The following LRBA variants were observed in gnomAD, a reference collection of about 807,000 sequenced individuals.
LRBA encodes LPS responsive beige-like anchor protein.
A neutral mutation model predicts 330.0 loss-of-function variants in LRBA; 176 were observed. The ratio of observed to expected loss-of-function variants is 0.53; its 90% CI spans 0.47 to 0.60. The LOEUF (loss-of-function observed/expected upper bound fraction) is 0.60. LRBA is among the 20% of genes least tolerant of loss of function. The probability of loss-of-function intolerance (pLI) is 0.00; values close to 1 mark genes in which losing one functional copy is unlikely to be tolerated. For synonymous variants in LRBA, 1,230 were observed against 1,193.0 expected (o/e 1.03, Z -0.64); for missense variants, 3,259 against 3,444.8 (o/e 0.95, Z 1.35).
At chr4:150,738,411 C>T (rs1370051845) in intron 35 of LRBA, among the ~76,000 whole-genome samples, 2 of 152,042 alleles carry the variant, frequency 1.3e-5, no homozygotes, top group African/African-American at 4.8e-5. Context: ...TTTTCCTCAT[C>T]ATCAAAAGCA....
chr4:150,797,923 G>A (rs933377866), intron 34 of LRBA, among the ~76,000 whole-genome samples, 158 bp downstream of exon 34: 1 of 152,052 alleles, frequency 6.6e-6, no homozygotes, highest in Non-Finnish European at 1.5e-5. Flanking sequence ...TCAAAAATAA[G>A]AAGTAATCCT....
intron 36 of LRBA, among the ~76,000 whole-genome samples, chr4:150,717,375 TA>T (rs1293068733): frequency 6.6e-6 from 1 of 152,130 alleles, no homozygotes; most frequent in Non-Finnish European, 1.5e-5. Flanking sequence ...ACCTAAAAAA[TA>T]TATAGATTGC....
intron 2 of LRBA, among the ~76,000 whole-genome samples, chr4:150,980,065 C>T (rs867560652): frequency 9.9e-5 from 15 of 152,046 alleles, no homozygotes; most frequent in Admixed American, 7.9e-4. Context: ...ACATGAAAAT[C>T]CTCAACAAAA....
rs111883007 is a variant in LRBA, at chr4:150,599,048, G to A, written c.6005C>T (p.Ser2002Leu). The change falls in exon 38 of 57, where the codon TCG (serine) becomes TTG (leucine). Residue 2002 changes from serine (S) to leucine (L), a missense_variant. Ser to Leu is a moderately radical substitution (Grantham distance 145). Coordinates refer to ENST00000651943, the MANE Select transcript of LRBA (RefSeq NM_001364905.1). ...TTTTAGTGTCGCTTCAGGATGTGTC[G>A]ATCCTAGAGGGTTACGCACAAATCG... The part of the protein sequence containing the change: ...RRRFVRNPLG[S>L]THPEATLKTA... 2 of 1,613,914 alleles carry A rather than the reference G, an allele frequency of 1.2e-6. No homozygotes were observed. The highest frequency in any genetic ancestry group is 1.7e-6 in the Non-Finnish European group (2 of 1,179,934).
intron 46 of LRBA, among the ~76,000 whole-genome samples, chr4:150,426,291 CCA>C (rs1749599227): frequency 6.6e-6 from 1 of 151,892 alleles, no homozygotes; most frequent in South Asian, 2.1e-4. Context: ...TATAATCCTT[CCA>C]GACCAACCCC....
intron 47 of LRBA, among the ~76,000 whole-genome samples, chr4:150,386,464 CT>C (rs1321847180): frequency 2.8e-5 from 4 of 140,888 alleles, no homozygotes; most frequent in African/African-American, 5.2e-5. Flanking sequence ...TCCCCTCCCC[CT>C]GTCCATGTGT....
chr4:150,360,596 G>T (rs1044670088), intron 47 of LRBA, among the ~76,000 whole-genome samples: 2 of 152,138 alleles, frequency 1.3e-5, no homozygotes, highest in African/African-American at 2.4e-5. Context: ...ATACAAGACA[G>T]AATGCAGGAG....
At chr4:150,310,174 T>G in intron 52 of LRBA, 55 bp downstream of exon 52, 2 of 1,276,294 alleles carry the variant, frequency 1.6e-6, no homozygotes, top group Non-Finnish European at 2.3e-6. Context: ...ATCCTAAGCC[T>G]CTCAATACTA....
At chr4:150,961,938 TTTTA>T (rs1738194225) in intron 2 of LRBA, among the ~76,000 whole-genome samples, 1 of 149,298 alleles carries the variant, frequency 6.7e-6, no homozygotes, top group Non-Finnish European at 1.5e-5. Context: ...ATTATTGTAT[TTTTA>T]TTTGAGGAAA....
chr4:150,489,167 TTA>T (rs1758365914), intron 41 of LRBA, among the ~76,000 whole-genome samples: 2 of 50,616 alleles, frequency 4.0e-5, no homozygotes, highest in African/African-American at 8.1e-5. Context: ...ATATAATATA[TTA>T]TATATAAGTA....
intron 55 of LRBA, among the ~76,000 whole-genome samples, chr4:150,279,787 C>A (rs1267626618): frequency 6.6e-6 from 1 of 152,184 alleles, no homozygotes; most frequent in Non-Finnish European, 1.5e-5. Context: ...AATCAGTATC[C>A]TTTTCCCCCA....
intron 35 of LRBA, among the ~76,000 whole-genome samples, chr4:150,739,688 T>TA (rs1731684131): frequency 6.6e-6 from 1 of 152,182 alleles, no homozygotes; most frequent in Non-Finnish European, 1.5e-5. Context: ...CGCTCTCCCT[T>TA]AATGGCTTAG....
chr4:150,895,229 T>C (rs966017850), intron 16 of LRBA, among the ~76,000 whole-genome samples: 2 of 152,148 alleles, frequency 1.3e-5, no homozygotes, highest in African/African-American at 4.8e-5. Flanking sequence ...ATATATTGCA[T>C]TTTCCTGGTG....
intron 30 of LRBA, 48 bp downstream of exon 30, chr4:150,828,132 A>G: frequency 6.4e-7 from 1 of 1,559,366 alleles, no homozygotes; most frequent in Non-Finnish European, 8.8e-7. Context: ...CATGTTGTTC[A>G]AGGGTCAGAT....
intron 34 of LRBA, among the ~76,000 whole-genome samples, chr4:150,789,053 G>C (rs551409861): frequency 4.6e-5 from 7 of 151,932 alleles, no homozygotes; most frequent in Non-Finnish European, 7.4e-5. Flanking sequence ...TAGCCTGGGT[G>C]ACAGAGTGAG....
intron 36 of LRBA, among the ~76,000 whole-genome samples, chr4:150,704,109 G>C (rs1049771348): frequency 1.1e-4 from 16 of 152,064 alleles, no homozygotes; most frequent in African/African-American, 3.9e-4. Flanking sequence ...GCTAACCTTG[G>C]AGGCTGAGGT....
intron 37 of LRBA, among the ~76,000 whole-genome samples, chr4:150,667,582 AC>A (rs541673131): frequency 1.2e-4 from 18 of 152,288 alleles, no homozygotes; most frequent in African/African-American, 4.1e-4. Context: ...TGAAATTTTA[AC>A]CCCCAATGTG....
intron 20 of LRBA, among the ~76,000 whole-genome samples, chr4:150,868,592 T>A (rs1356884677): frequency 6.6e-6 from 1 of 152,200 alleles, no homozygotes; most frequent in Non-Finnish European, 1.5e-5. Context: ...GAATTAAATG[T>A]CAGTGAAACT....
chr4:150,724,223 C>T (rs924451979), intron 36 of LRBA, among the ~76,000 whole-genome samples: 2 of 152,160 alleles, frequency 1.3e-5, no homozygotes, highest in Admixed American at 6.5e-5. Context: ...TGGCCACAGA[C>T]TTACTTGCAT....
Sources: allele counts gnomAD v4.1 joint callset (sites outside exome capture counted in the v4.1 genomes callset), GRCh38; gene constraint gnomAD v4.1.1; transcripts MANE v1.5; gene names NCBI Gene and HGNC (gene_info 2026-07-23, HGNC 2026-07-21).